Variants in LAMA3 observed in about 807,000 individuals in gnomAD.
LAMA3 encodes the protein laminin subunit alpha 3.
A neutral mutation model predicts 402.0 loss-of-function variants in LAMA3; 281 were observed. That is an observed-to-expected ratio of 0.70 (90% confidence interval 0.63 to 0.77). The LOEUF is 0.77. Among genes scored for constraint, LAMA3 ranks in the 30% least tolerant of loss-of-function variants. The pLI is 0.00. For missense variants in LAMA3, 3,840 were observed against 4,215.5 expected (o/e 0.91, Z 2.47); for synonymous variants, 1,431 against 1,558.4 (o/e 0.92, Z 1.93).
chr18:23,917,227 T>G (rs58462279), intron 60 of LAMA3, among the ~76,000 whole-genome samples: 6,454 of 152,262 alleles, frequency 0.042, 449 homozygotes, highest in African/African-American at 0.15. Context: ...TGTGTAGTAT[T>G]CCATGGTGTA....
At chr18:23,690,072 G>T in intron 1 of LAMA3, 95 bp downstream of exon 1, 1 of 1,028,938 alleles carries the variant, frequency 9.7e-7, no homozygotes. Flanking sequence ...CCTCACGCGC[G>T]CTAGTGGCTC....
intron 51 of LAMA3, 77 bp downstream of exon 51, chr18:23,904,771 C>A: frequency 6.9e-7 from 1 of 1,446,894 alleles, no homozygotes; most frequent in Non-Finnish European, 9.6e-7. Context: ...CCGTGGGCTC[C>A]AAGGAATAGA....
intron 21 of LAMA3, among the ~76,000 whole-genome samples, chr18:23,826,493 A>G (rs980315700): frequency 1.3e-5 from 2 of 152,166 alleles, no homozygotes; most frequent in Non-Finnish European, 2.9e-5. Flanking sequence ...TCACACTGAC[A>G]AGTTTCTCTC....
intron 2 of LAMA3, among the ~76,000 whole-genome samples, chr18:23,733,930 A>G (rs1223396315): frequency 1.3e-5 from 2 of 152,220 alleles, no homozygotes; most frequent in Admixed American, 6.5e-5. Context: ...TTCCAGAATT[A>G]TAGCCTGGGA....
chr18:23,851,504 G>C (rs901790094), intron 32 of LAMA3, among the ~76,000 whole-genome samples: 2 of 152,180 alleles, frequency 1.3e-5, no homozygotes, highest in Admixed American at 6.5e-5. Flanking sequence ...GATCCTGGAG[G>C]CACCTTTAGA....
intron 29 of LAMA3, among the ~76,000 whole-genome samples, chr18:23,844,764 G>A (rs752419738): frequency 1.2e-4 from 18 of 152,142 alleles, no homozygotes; most frequent in Non-Finnish European, 1.9e-4. Context: ...TCAGATTTTG[G>A]AATATTTGCA....
At chr18:23,853,183 G>C (rs2063984437) in intron 32 of LAMA3, among the ~76,000 whole-genome samples, 1 of 152,142 alleles carries the variant, frequency 6.6e-6, no homozygotes, top group Non-Finnish European at 1.5e-5. Context: ...ATTCTTGAGT[G>C]AAAAAATAAA....
chr18:23,710,255 G>T, intron 1 of LAMA3: 1 of 574,616 alleles, frequency 1.7e-6, no homozygotes, highest in Non-Finnish European at 3.1e-6. Flanking sequence ...CTTTAGGAGG[G>T]ACAGGAGCTT....
Position 23,690,666 on chromosome 18 carries a change from A to G in LAMA3, c.294+689A>G, listed in dbSNP as rs12604294. Among the ~76,000 whole-genome samples the G allele has an allele frequency of 0.01, 1,522 of 152,064 alleles. 99 individuals are homozygous for G. The East Asian group carries it at 0.17, about 17-fold the overall frequency. ...ACAGGTCTCAGCCAGGCAAGAGTGC[A>G]GTGGTGCGATCACGGCTCACGGCAG... On this transcript the variant is annotated intron_variant, in intron 1 of 74. Transcript: ENST00000313654.
intron 42 of LAMA3, among the ~76,000 whole-genome samples, chr18:23,892,366 TTTG>T (rs1414758200): frequency 2.6e-5 from 4 of 152,106 alleles, no homozygotes; most frequent in East Asian, 1.9e-4. Context: ...CTGTTAGAGT[TTTG>T]TTGTTGTTGT....
At chr18:23,951,441 G>A (rs1216220792) in intron 72 of LAMA3, among the ~76,000 whole-genome samples, 1 of 152,184 alleles carries the variant, frequency 6.6e-6, no homozygotes, top group Non-Finnish European at 1.5e-5. Flanking sequence ...ACAACTCATT[G>A]CCATTGGCAA....
Position 23,954,714 on chromosome 18 carries a change from C to T in LAMA3, c.*66C>T. On this transcript the variant is annotated 3_prime_UTR_variant, in exon 75 of 75. Coordinates refer to ENST00000313654, the MANE Select transcript of LAMA3 (RefSeq NM_198129.4). ...CACTGATTACCCAATGCACCTCCCT[C>T]CCCAGCTCGAGATCATTCTTCACTC... 5 of 1,506,260 alleles carry T rather than the reference C, an allele frequency of 3.3e-6. No homozygotes were observed. In the South Asian group the frequency reaches 4.5e-5, roughly 14 times the overall value. The allele number at this position is 1,506,260 out of a possible 1,614,324, so 93.3% of individuals were successfully genotyped here.
chr18:23,872,945 C>T, intron 38 of LAMA3: 1 of 1,506,988 alleles, frequency 6.6e-7, no homozygotes, highest in Non-Finnish European at 9.1e-7. Context: ...GACAGCCTTC[C>T]TCACCTGAGT....
intron 55 of LAMA3, 90 bp from the exon 56 acceptor site, chr18:23,912,621 T>G: frequency 9.6e-7 from 1 of 1,043,936 alleles, no homozygotes; most frequent in Non-Finnish European, 1.5e-6. Context: ...GAAAGGCTGA[T>G]ACATGGCTAC....
At chr18:23,790,345 A>G (rs2062626820) in intron 12 of LAMA3, among the ~76,000 whole-genome samples, 1 of 152,240 alleles carries the variant, frequency 6.6e-6, no homozygotes, top group South Asian at 2.1e-4. Flanking sequence ...ATAAGTGTAG[A>G]GAAAATAAAT....
At chr18:23,940,278 A>G (rs2082453623) in intron 68 of LAMA3, among the ~76,000 whole-genome samples, 1 of 152,182 alleles carries the variant, frequency 6.6e-6, no homozygotes, top group Non-Finnish European at 1.5e-5. Flanking sequence ...CAGTCCACAG[A>G]CTGTAACACA....
intron 55 of LAMA3, among the ~76,000 whole-genome samples, chr18:23,911,541 G>A (rs1344658788): frequency 6.6e-6 from 1 of 151,326 alleles, no homozygotes; most frequent in African/African-American, 2.4e-5. Flanking sequence ...TTTTATTTTT[G>A]TAGTGATTTA....
intron 8 of LAMA3, among the ~76,000 whole-genome samples, chr18:23,770,543 C>T (rs191558860): frequency 7.2e-5 from 11 of 152,234 alleles, no homozygotes; most frequent in African/African-American, 2.4e-4. Flanking sequence ...GGGCGGATCA[C>T]GAGGTCAGGA....
At chr18:23,854,923 T>C (rs1474400132) in intron 32 of LAMA3, among the ~76,000 whole-genome samples, 1 of 151,872 alleles carries the variant, frequency 6.6e-6, no homozygotes, top group Non-Finnish European at 1.5e-5. Context: ...AGGCAGAGCT[T>C]GCAGTGAGCC....
Sources: allele counts gnomAD v4.1 joint callset (sites outside exome capture counted in the v4.1 genomes callset), GRCh38; gene constraint gnomAD v4.1.1; transcripts MANE v1.5; gene names NCBI Gene and HGNC (gene_info 2026-07-23, HGNC 2026-07-21).